Variants in MPPED2 observed in about 807,000 individuals in gnomAD.
The protein encoded by MPPED2 is metallophosphoesterase MPPED2.
MPPED2 carries 5 observed loss-of-function variants against 33.0 expected under a neutral mutation model. The observed-to-expected ratio is 0.15, with a 90% CI of 0.08 to 0.32. MPPED2 has a LOEUF of 0.32. Ranked by LOEUF, MPPED2 falls within the 10% of genes least tolerant of loss-of-function variation. MPPED2 has a pLI of 1.00. For synonymous variants in MPPED2, 136 were observed against 141.9 expected (o/e 0.96, Z 0.29); for missense variants, 275 against 372.1 (o/e 0.74, Z 2.15).
downstream of MPPED2, chr11:30,384,474 CTTTTTT>C (rs200252636): frequency 3.8e-5 from 5 of 131,346 alleles, no homozygotes; most frequent in East Asian, 4.4e-4. Flanking sequence ...TTTCTTTTTT[CTTTTTT>C]TTTTTTTTTT....
chr11:30,398,158 T>G (rs1281072834), intron 6 of MPPED2, among the ~76,000 whole-genome samples: 2 of 152,156 alleles, frequency 1.3e-5, no homozygotes, highest in African/African-American at 4.8e-5. Flanking sequence ...CATAGCAGAG[T>G]TAAATTTGCC....
At chr11:30,576,567 C>T (rs1374342626) in intron 2 of MPPED2, among the ~76,000 whole-genome samples, 2 of 152,062 alleles carry the variant, frequency 1.3e-5, no homozygotes, top group African/African-American at 4.8e-5. Context: ...AGTTTTGTAA[C>T]ATTTGATTAG....
At chr11:30,409,569 G>A (rs1307146270), downstream of MPPED2, among the ~76,000 whole-genome samples, 1 of 152,208 alleles carries the variant, frequency 6.6e-6, no homozygotes, top group Admixed American at 6.5e-5. Flanking sequence ...TGCTGGTACT[G>A]AAATCAAGAA....
intron 4 of MPPED2, among the ~76,000 whole-genome samples, chr11:30,491,009 C>T (rs1951956918): frequency 6.6e-6 from 1 of 152,160 alleles, no homozygotes; most frequent in African/African-American, 2.4e-5. Context: ...GAACTTAATA[C>T]TTCCTCCAAA....
At chr11:30,464,106 A>C in intron 4 of MPPED2, among the ~76,000 whole-genome samples, 1 of 152,342 alleles carries the variant, frequency 6.6e-6, no homozygotes, top group Non-Finnish European at 1.5e-5. Flanking sequence ...TGTAAATATT[A>C]TCCTAACAAG....
intron 3 of MPPED2, among the ~76,000 whole-genome samples, chr11:30,502,563 T>C (rs1032520773): frequency 2.0e-5 from 3 of 152,156 alleles, no homozygotes; most frequent in Non-Finnish European, 4.4e-5. Flanking sequence ...GCCTACCCAG[T>C]GAAGAGAAGG....
chr11:30,473,639 TA>T (rs11333246), intron 4 of MPPED2, among the ~76,000 whole-genome samples: 15,377 of 146,210 alleles, frequency 0.11, 1,007 homozygotes, highest in South Asian at 0.25. Context: ...TTGCTTCTAA[TA>T]AAAAAAAAAA....
chr11:30,536,050 C>T lies in MPPED2; in HGVS notation c.254G>A (p.Gly85Asp). ...GGGCAGTCCCAGCTCGGTGAAATCG[C>T]CTGTGTGGAGAAGGATGTCCCCATA... ...MPYGDILLHT[G>D]DFTELGLPSE... The change falls in exon 3 of 7, where the codon GGC becomes GAC. Residue 85 changes from glycine to aspartate, a missense_variant. Transcript: ENST00000358117. 2.5e-6 allele frequency: 4 copies of T among 1,613,316 alleles called. No homozygotes were observed. The highest frequency in any genetic ancestry group is 3.4e-6 in the Non-Finnish European group (4 of 1,179,670).
At chr11:30,477,835 A>C (rs1179557982) in intron 4 of MPPED2, among the ~76,000 whole-genome samples, 1 of 152,012 alleles carries the variant, frequency 6.6e-6, no homozygotes, top group South Asian at 2.1e-4. Flanking sequence ...GGTAGCTCGG[A>C]TCTCAGTTTA....
chr11:30,509,587 G>A (rs1006575657), intron 3 of MPPED2, among the ~76,000 whole-genome samples: 3 of 152,116 alleles, frequency 2.0e-5, no homozygotes, highest in African/African-American at 7.2e-5. Context: ...CTACTGCCTA[G>A]GCCCAAACAG....
At chr11:30,548,239 G>A (rs1012772152) in intron 2 of MPPED2, among the ~76,000 whole-genome samples, 5 of 150,718 alleles carry the variant, frequency 3.3e-5, no homozygotes, top group Admixed American at 3.3e-4. Flanking sequence ...CTTAACTGAC[G>A]GGGTCTCTCT....
At chr11:30,513,559 T>C (rs1421181948) in intron 3 of MPPED2, among the ~76,000 whole-genome samples, 1 of 152,212 alleles carries the variant, frequency 6.6e-6, no homozygotes, top group African/African-American at 2.4e-5. Context: ...CAACTGTAGA[T>C]GGATAAGACA....
chr11:30,407,030 G>A (rs572215489), downstream of MPPED2, among the ~76,000 whole-genome samples: 1 of 152,314 alleles, frequency 6.6e-6, no homozygotes, highest in East Asian at 1.9e-4. Context: ...CTGAGACACA[G>A]CAAGTGTTTT....
intron 6 of MPPED2, among the ~76,000 whole-genome samples, chr11:30,395,003 C>T (rs1014553808): frequency 2.0e-5 from 3 of 152,180 alleles, no homozygotes; most frequent in Admixed American, 1.3e-4. Context: ...AAAACCAATT[C>T]GTCATACTTG....
At chr11:30,423,527 C>T (rs552064857) in intron 4 of MPPED2, among the ~76,000 whole-genome samples, 252 of 151,930 alleles carry the variant, frequency 1.7e-3, no homozygotes, top group African/African-American at 5.7e-3. Context: ...TGCCAGTTAG[C>T]GTAACGAGCA....
intron 4 of MPPED2, among the ~76,000 whole-genome samples, chr11:30,477,493 C>G (rs1416478837): frequency 6.6e-6 from 1 of 151,664 alleles, no homozygotes; most frequent in Non-Finnish European, 1.5e-5. Context: ...CCTCTTTTAT[C>G]CTGTTAATAG....
At chr11:30,499,450 T>C (rs1356284743) in intron 3 of MPPED2, among the ~76,000 whole-genome samples, 3 of 152,232 alleles carry the variant, frequency 2.0e-5, no homozygotes, top group Non-Finnish European at 4.4e-5. Context: ...TTTCAGATTT[T>C]GGAACACTTT....
chr11:30,418,351 G>C (rs1948466902), intron 4 of MPPED2, among the ~76,000 whole-genome samples: 1 of 152,330 alleles, frequency 6.6e-6, no homozygotes, highest in Non-Finnish European at 1.5e-5. Context: ...TCTGCTCCAA[G>C]AATGAGTTTT....
intron 4 of MPPED2, among the ~76,000 whole-genome samples, chr11:30,432,878 A>C (rs150314370): frequency 2.0e-5 from 3 of 152,322 alleles, no homozygotes; most frequent in Non-Finnish European, 4.4e-5. Context: ...AAACAATGCT[A>C]GGTTCCCAGG....
Sources: gnomAD v4.1 joint callset for allele counts (sites outside exome capture counted in the v4.1 genomes callset) on GRCh38, gnomAD v4.1.1 for gene constraint, MANE v1.5 for transcripts, NCBI Gene and HGNC (gene_info 2026-07-23, HGNC 2026-07-21) for gene names.